FAT1: variants seen among roughly 807,000 people sequenced by gnomAD.
FAT1 encodes protocadherin Fat 1.
A neutral mutation model predicts 329.8 loss-of-function variants in FAT1; 171 were observed. That is an observed-to-expected ratio of 0.52 (90% CI 0.46 to 0.59). The LOEUF is 0.59. Ranked by LOEUF, FAT1 falls within the 20% of genes least tolerant of loss-of-function variation. FAT1 has a pLI of 0.00. For synonymous variants in FAT1, 2,233 were observed against 2,228.6 expected, an observed-to-expected ratio of 1.00 and a Z score of -0.06; for missense variants, 5,672 against 5,774.4, an observed-to-expected ratio of 0.98 and a Z score of 0.57.
chr4:186,665,569 T>A (rs1379588517), intron 2 of FAT1, among the ~76,000 whole-genome samples: 2 of 152,196 alleles, frequency 1.3e-5, no homozygotes, highest in Non-Finnish European at 2.9e-5. Flanking sequence ...TTGTTTGAGT[T>A]CTTTGTAGAT....
chr4:186,653,409 C>G (rs905839506), intron 3 of FAT1, among the ~76,000 whole-genome samples: 6 of 152,154 alleles, frequency 3.9e-5, no homozygotes, highest in African/African-American at 1.4e-4. Flanking sequence ...TATTAACAAC[C>G]AAGAGAAGTG....
At chr4:186,606,312 TG>T in intron 16 of FAT1, 99 bp from the exon 17 acceptor site, 1 of 1,339,270 alleles carries the variant, frequency 7.5e-7, no homozygotes, top group Non-Finnish European at 1.0e-6. Context: ...CAGGTCCCAG[TG>T]AGCTACCACT....
At chr4:186,631,668 G>A (rs1306001049) in intron 7 of FAT1, among the ~76,000 whole-genome samples, 1 of 141,892 alleles carries the variant, frequency 7.0e-6, no homozygotes, top group South Asian at 2.3e-4. Context: ...GTCTCTCGCC[G>A]CCCAGCTGAC....
At chr4:186,597,544 A>G (rs1465792946) in intron 24 of FAT1, 138 bp downstream of exon 24, 2 of 645,786 alleles carry the variant, frequency 3.1e-6, no homozygotes, top group East Asian at 2.7e-5. Flanking sequence ...AAAAGATTAT[A>G]AATTATATAA....
At chr4:186,665,970 G>A (rs1324685737) in intron 2 of FAT1, among the ~76,000 whole-genome samples, 1 of 148,360 alleles carries the variant, frequency 6.7e-6, no homozygotes, top group African/African-American at 2.5e-5. Flanking sequence ...CTCACTCACA[G>A]GTGGGAATTG....
At position 186,620,990 on chromosome 4, in the gene FAT1, T is replaced by C. The variant is rs1740016795; in HGVS notation, c.5596A>G (p.Thr1866Ala). 1.9e-6 allele frequency: 3 copies of C among 1,613,178 alleles called. No individual in the cohort carries two copies. Among genetic ancestry groups the C allele is most frequent in the Non-Finnish European group, 2.5e-6 (3 of 1,179,880 alleles). Reference protein sequence around the residue: ...RLFAEYAANVTVHVIDINDCP... With the variant: ...RLFAEYAANVAVHVIDINDCP... ...TCATTAATGTCAATTACATGTACTG[T>C]TACATTCGCTGCATACTCAGCAAAT... The change falls in exon 10 of 27, where the codon ACA becomes GCA. Residue 1866 changes from threonine (T) to alanine (A), a missense_variant. Physicochemically the swap from Thr to Ala is moderately conservative, Grantham distance 58. Coordinates refer to ENST00000441802, the MANE Select transcript of FAT1 (RefSeq NM_005245.4).
intron 1 of FAT1, among the ~76,000 whole-genome samples, chr4:186,719,676 C>A (rs775256384): frequency 6.6e-6 from 1 of 152,174 alleles, no homozygotes; most frequent in Admixed American, 6.5e-5. Context: ...TTAATCCTTT[C>A]GACTCTATGT....
In FAT1 at chr4:186,588,369, A is replaced by G. The variant is rs192809503; in HGVS notation, c.*223T>C. 2.0e-4 allele frequency: 110 copies of G among 538,606 alleles called. 1 individual carries two copies. The Admixed American group carries it at 2.8e-3, about 14-fold the overall frequency. 33.4% of individuals were successfully genotyped at this position (538,606 alleles called of 1,614,324 possible). On this transcript the variant is annotated 3_prime_UTR_variant, in exon 27 of 27. Transcript: ENST00000441802. Reference sequence around the variant, plus strand: ...ATTATTTTAACACAGACAGATGTAAATCCCAAAAGACGTTGGGAAATGGCA... The same window carrying G: ...ATTATTTTAACACAGACAGATGTAAGTCCCAAAAGACGTTGGGAAATGGCA...
Position 186,601,372 on chromosome 4 carries a change from T to G in FAT1, c.11537A>C (p.Glu3846Ala). Reference protein sequence around the residue: ...GNSYVKYRLTENENKLEMKLT... With the variant: ...GNSYVKYRLTANENKLEMKLT... ...TTTCATCTCTAATTTGTTTTCATTTTCCGTCAGACGGTATTTCACGTAGCT... is the reference window on the plus strand; with the variant it reads ...TTTCATCTCTAATTTGTTTTCATTTGCCGTCAGACGGTATTTCACGTAGCT... Residue 3846 changes from glutamate to alanine, a missense_variant, in exon 21 of 27, where the codon GAA becomes GCA. Around this residue, in one of 2 missense-constraint regions of FAT1, gnomAD observed 1,706 missense variants for 1,859.1 expected, o/e 0.92. Coordinates refer to ENST00000441802, the MANE Select transcript of FAT1 (RefSeq NM_005245.4). The G allele has an allele frequency of 1.2e-6, 2 of 1,613,692 alleles. No homozygotes were observed. The highest frequency in any genetic ancestry group is 1.7e-6 in the Non-Finnish European group (2 of 1,179,626).
chr4:186,692,382 G>A (rs1289114121), intron 2 of FAT1, among the ~76,000 whole-genome samples: 5 of 151,974 alleles, frequency 3.3e-5, no homozygotes, highest in South Asian at 2.1e-4. Context: ...GCGCAATCTC[G>A]GTTCACTGCA....
Position 186,709,437 on chromosome 4 carries a change from C to T in FAT1, c.391G>A (p.Ala131Thr), listed in dbSNP as rs2126704197. Residue 131 changes from alanine (A) to threonine (T), a missense_variant, in exon 2 of 27, where the codon GCG (alanine) becomes ACG (threonine). Ala to Thr is a moderately conservative substitution (Grantham distance 58). Around this residue, in one of 2 missense-constraint regions of FAT1, gnomAD observed 3,966 missense variants for 3,915.2 expected, o/e 1.01. Transcript: ENST00000441802. ...ACCTGCACCCTGACCTTTGTTCGCG[C>T]CTCCACATTAGTATTTTTTTCAAGT... Reference protein sequence around the residue: ...KALEKNTNVEARTKVRVQVLD... With the variant: ...KALEKNTNVETRTKVRVQVLD... 6.2e-7 allele frequency: 1 copy of T among 1,613,870 alleles called. No individual in the cohort carries two copies. Among genetic ancestry groups the T allele is most frequent in the Non-Finnish European group, 8.5e-7 (1 of 1,179,874 alleles).
At chr4:186,673,501 A>T (rs147695420) in intron 2 of FAT1, among the ~76,000 whole-genome samples, 2 of 152,354 alleles carry the variant, frequency 1.3e-5, no homozygotes, top group East Asian at 3.9e-4. Context: ...AGGTCTAGGA[A>T]ATTCTATAAT....
rs2126570990 is a variant in FAT1 at position 186,639,707 on chromosome 4, A to G, written c.3642+15T>C. ...CTACGAATCTTTAAGTATTAAAGAT[A>G]AAAAAAAAACTTACCTCTAATATGT... On this transcript the variant is annotated intron_variant, in intron 4 of 26. Coordinates refer to ENST00000441802, the MANE Select transcript of FAT1 (RefSeq NM_005245.4). 6.9e-7 allele frequency: 1 copy of G among 1,455,768 alleles called. No individual in the cohort carries two copies. The highest frequency in any genetic ancestry group is 2.3e-5 in the East Asian group (1 of 42,562). The allele number at this position is 1,455,768 out of a possible 1,614,324, so 90.2% of individuals were successfully genotyped here.
intron 2 of FAT1, among the ~76,000 whole-genome samples, chr4:186,684,980 T>C (rs1023479966): frequency 1.3e-5 from 2 of 152,106 alleles, no homozygotes; most frequent in Non-Finnish European, 2.9e-5. Flanking sequence ...AAACATTATC[T>C]AAAGGGAAGA....
chr4:186,601,998 T>C (rs1738837109), intron 20 of FAT1, among the ~76,000 whole-genome samples: 2 of 152,154 alleles, frequency 1.3e-5, no homozygotes, highest in South Asian at 2.1e-4. Flanking sequence ...CTCTACACAT[T>C]GATACTAAGA....
In FAT1 at chr4:186,627,496, G is replaced by A. The variant is rs553763048; in HGVS notation, c.4810+658C>T. 4.5e-4 allele frequency among the ~76,000 whole-genome samples: 69 copies of A among 152,186 alleles called. 1 individual carries two copies. Among genetic ancestry groups the A allele is most frequent in the African/African-American group, 1.4e-3 (57 of 41,526 alleles). ...CTGGATCTCTTGGCCTCTGGGTCCCGGAACCGTCCAGGACCGCAGCTCCAG... is the reference window on the plus strand; with the variant it reads ...CTGGATCTCTTGGCCTCTGGGTCCCAGAACCGTCCAGGACCGCAGCTCCAG... On this transcript the variant is annotated intron_variant, in intron 9 of 26. Transcript: ENST00000441802.
At position 186,628,531 on chromosome 4, in the gene FAT1, T is replaced by G. The variant is rs747215524; in HGVS notation, c.4556A>C (p.Lys1519Thr). 10 of 1,613,908 alleles carry G rather than the reference T, an allele frequency of 6.2e-6. No individual in the cohort carries two copies. The highest frequency in any genetic ancestry group is 8.5e-6 in the Non-Finnish European group (10 of 1,179,904). Residue 1519 changes from lysine (K) to threonine (T), a missense_variant, in exon 8 of 27, where the codon AAA becomes ACA. By Grantham distance (78) the Lys-to-Thr change is moderately conservative. Transcript: ENST00000441802. ...CTGGTGAACAGCTTCATGATCCAGT[T>G]TCTCAGAAGTATAGAGAGAGCCGGT... ...PATGSLYTSEKLDHEAVHQHT... is the reference protein window; with the variant it reads ...PATGSLYTSETLDHEAVHQHT...
At chr4:186,694,234 C>T (rs1254587414) in intron 2 of FAT1, among the ~76,000 whole-genome samples, 1 of 152,194 alleles carries the variant, frequency 6.6e-6, no homozygotes, top group Non-Finnish European at 1.5e-5. Flanking sequence ...CCACCATCTC[C>T]CCATTTCTCA....
chr4:186,592,935 T>A (rs78833141), intron 26 of FAT1, among the ~76,000 whole-genome samples: 1 of 152,238 alleles, frequency 6.6e-6, no homozygotes, highest in African/African-American at 2.4e-5. Context: ...GAGACTTTTT[T>A]AATCGAGCTA....
Sources: gnomAD v4.1 joint callset for allele counts (sites outside exome capture counted in the v4.1 genomes callset) on GRCh38, gnomAD v4.1.1 for gene constraint, gnomAD v4.1.1 regional missense constraint, MANE v1.5 for transcripts, NCBI Gene and HGNC (gene_info 2026-07-23, HGNC 2026-07-21) for gene names.